KAZN: variants seen among roughly 807,000 people sequenced by gnomAD.
KAZN encodes the protein kazrin, periplakin interacting protein.
KAZN carries 40 observed loss-of-function variants against 87.4 expected under a neutral mutation model. The ratio of observed to expected loss-of-function variants is 0.46; its 90% CI spans 0.36 to 0.60. The LOEUF (loss-of-function observed/expected upper bound fraction) is 0.60, where lower values mean the gene tolerates loss of function less well. Ranked by LOEUF, KAZN falls within the 20% of genes least tolerant of loss-of-function variation. The pLI is 0.00. For missense variants in KAZN, 898 were observed against 1,073.9 expected (o/e 0.84, Z 2.29); for synonymous variants, 466 against 458.3 (o/e 1.02, Z -0.22).
rs529997894 is a variant in KAZN, at chr1:14,385,536, G to A, written c.249+204944G>A. On this transcript the variant is annotated intron_variant, in intron 2 of 16. Transcript: ENST00000636203. ...TGTCTTTGTTCTCGTTGGTTTCAAAGAACATCTTTATTTCTGCCTTCATTT... is the reference window on the plus strand; with the variant it reads ...TGTCTTTGTTCTCGTTGGTTTCAAAAAACATCTTTATTTCTGCCTTCATTT... 2.0e-5 allele frequency among the ~76,000 whole-genome samples: 3 copies of A among 152,270 alleles called. No homozygotes were observed. The South Asian group carries it at 6.2e-4, about 32-fold the overall frequency.
At chr1:14,575,053 T>G (rs933671063) in intron 2 of KAZN, among the ~76,000 whole-genome samples, 2 of 152,194 alleles carry the variant, frequency 1.3e-5, no homozygotes, top group African/African-American at 4.8e-5. Context: ...CTGGTTCAGA[T>G]GGACCCTTTA....
intron 1 of KAZN, among the ~76,000 whole-genome samples, chr1:14,610,415 G>A (rs540412397): frequency 1.8e-4 from 27 of 152,220 alleles, no homozygotes; most frequent in Admixed American, 5.2e-4. Context: ...AGTAGAGACA[G>A]GGTTTCACTG....
chr1:14,434,866 G>T (rs765334505), intron 2 of KAZN, among the ~76,000 whole-genome samples: 19 of 152,194 alleles, frequency 1.2e-4, no homozygotes, highest in African/African-American at 4.3e-4. Context: ...TTCAGAGGAA[G>T]TTAGTAAAAG....
At chr1:14,793,515 A>G (rs576531506) in intron 1 of KAZN, among the ~76,000 whole-genome samples, 1 of 152,170 alleles carries the variant, frequency 6.6e-6, no homozygotes, top group Non-Finnish European at 1.5e-5. Flanking sequence ...CTCTCCCTGT[A>G]TCTGTTTACC....
chr1:14,957,585 G>C (rs533068362), intron 1 of KAZN, among the ~76,000 whole-genome samples: 1 of 152,222 alleles, frequency 6.6e-6, no homozygotes, highest in Non-Finnish European at 1.5e-5. Flanking sequence ...GTTGCCTGCC[G>C]TGCTGTTGAC....
At chr1:15,103,297 C>G (rs549148187) in intron 11 of KAZN, 62 bp from the exon 12 acceptor site, 2 of 1,264,494 alleles carry the variant, frequency 1.6e-6, no homozygotes, top group East Asian at 5.1e-5. Context: ...GGCACCCCCA[C>G]TCCACACGTG....
chr1:15,036,129 G>A (rs1428445602), intron 3 of KAZN, among the ~76,000 whole-genome samples: 1 of 151,986 alleles, frequency 6.6e-6, no homozygotes, highest in African/African-American at 2.4e-5. Context: ...TCTGGGCCAG[G>A]CCACCACAGC....
chr1:14,851,219 T>A (rs1649395959), intron 1 of KAZN, among the ~76,000 whole-genome samples: 3 of 152,098 alleles, frequency 2.0e-5, no homozygotes. Flanking sequence ...TCTAGGTGGG[T>A]CCCTGCAGTG....
chr1:14,987,750 A>G (rs1666967239), intron 2 of KAZN, among the ~76,000 whole-genome samples: 1 of 152,200 alleles, frequency 6.6e-6, no homozygotes, highest in African/African-American at 2.4e-5. Context: ...TTTGTGATCC[A>G]CGTGGAAGGA....
intron 1 of KAZN, among the ~76,000 whole-genome samples, chr1:14,605,450 T>C (rs1677284604): frequency 6.6e-6 from 1 of 152,212 alleles, no homozygotes. Context: ...GGAAGCCTTA[T>C]GATAACGTAA....
chr1:14,802,813 C>T (rs1277870886), intron 1 of KAZN, among the ~76,000 whole-genome samples: 1 of 152,122 alleles, frequency 6.6e-6, no homozygotes, highest in African/African-American at 2.4e-5. Flanking sequence ...CATGAGCACT[C>T]GGTGATGGAG....
intron 1 of KAZN, among the ~76,000 whole-genome samples, chr1:13,924,806 G>A (rs1640209189): frequency 6.6e-6 from 1 of 152,166 alleles, no homozygotes; most frequent in Admixed American, 6.5e-5. Context: ...ACGAAGCTGT[G>A]TCTGACCACC....
At chr1:14,627,292 G>A (rs1467835227) in intron 1 of KAZN, among the ~76,000 whole-genome samples, 1 of 152,002 alleles carries the variant, frequency 6.6e-6, no homozygotes, top group African/African-American at 2.4e-5. Context: ...GGCCCATGAG[G>A]CTGCAGCCTG....
intron 1 of KAZN, among the ~76,000 whole-genome samples, chr1:14,110,728 C>T (rs72862566): frequency 0.054 from 7,206 of 133,068 alleles, 2,048 homozygotes; most frequent in African/African-American, 0.2. Flanking sequence ...TGTGGCTAGC[C>T]CAAGCTGTGC....
At position 13,961,067 on chromosome 1, in the gene KAZN, C is replaced by T. The variant is rs139448416; in HGVS notation, c.91+67311C>T. ...ATAAAAGAGACAACGTTCCTGCATT[C>T]CTTCTCCCCTACATTAGGGGCTGAG... On this transcript the variant is annotated intron_variant, in intron 1 of 16. Coordinates refer to the KAZN transcript ENST00000636203. Among the ~76,000 whole-genome samples the T allele has an allele frequency of 4.6e-3, 701 of 152,316 alleles. 5 individuals carry two copies. Among genetic ancestry groups the T allele is most frequent in the Non-Finnish European group, 7.5e-3 (508 of 68,024 alleles).
chr1:14,947,741 C>T (rs371640260), intron 1 of KAZN, among the ~76,000 whole-genome samples: 1 of 152,174 alleles, frequency 6.6e-6, no homozygotes, highest in African/African-American at 2.4e-5. Flanking sequence ...GCACTTCTCC[C>T]ATGGGGTTGG....
At chr1:14,363,568 TA>T (rs1347882242) in intron 2 of KAZN, among the ~76,000 whole-genome samples, 1 of 152,198 alleles carries the variant, frequency 6.6e-6, no homozygotes, top group African/African-American at 2.4e-5. Flanking sequence ...TAGTGAAAAA[TA>T]ATACATCAAA....
chr1:14,915,630 C>A (rs1343736817), intron 1 of KAZN, among the ~76,000 whole-genome samples: 1 of 152,218 alleles, frequency 6.6e-6, no homozygotes, highest in African/African-American at 2.4e-5. Flanking sequence ...GGTGACTGTT[C>A]CCCGCTGCCC....
chr1:14,922,562 G>C (rs1658642075), intron 1 of KAZN, among the ~76,000 whole-genome samples: 1 of 152,050 alleles, frequency 6.6e-6, no homozygotes, highest in Admixed American at 6.6e-5. Flanking sequence ...GGGAGGCCGA[G>C]GCTGGCGCAT....
Sources: gnomAD v4.1 joint callset for allele counts (sites outside exome capture counted in the v4.1 genomes callset) on GRCh38, gnomAD v4.1.1 for gene constraint, MANE v1.5 for transcripts, NCBI Gene and HGNC (gene_info 2026-07-23, HGNC 2026-07-21) for gene names.